SIAE: variants seen among roughly 807,000 people sequenced by gnomAD.
SIAE encodes the protein sialate O-acetylesterase.
Under a neutral mutation model 52.6 loss-of-function variants are expected in SIAE, and 39 were observed. That is an observed-to-expected ratio of 0.74 (90% confidence interval 0.57 to 0.97). SIAE has a LOEUF of 0.97. Among genes scored for constraint, SIAE ranks in the 50% least tolerant of loss-of-function variants. The pLI is 0.00. For missense variants in SIAE, 592 were observed against 662.1 expected, an observed-to-expected ratio of 0.89 and a Z score of 1.16; for synonymous variants, 233 against 241.4, an observed-to-expected ratio of 0.97 and a Z score of 0.32.
In SIAE at chr11:124,669,421, T is replaced by C. The variant is rs1943318124; in HGVS notation, c.168A>G (p.Thr56=). Residue 56 remains threonine, a synonymous_variant, in exon 2 of 10, where the codon ACA becomes ACG. Coordinates refer to ENST00000263593, the MANE Select transcript of SIAE (RefSeq NM_170601.5). ...VIWGFGTPGA[T]VTVTLRQGQE... is the part of the protein sequence containing the mutation. ...GACCTTGGCGCAGGGTCACGGTCAC[T>C]GTGGCTCCAGGTGTACCGAAGCCCC... 6.2e-7 allele frequency: 1 copy of C among 1,614,096 alleles called. No homozygotes were observed. The highest frequency in any genetic ancestry group is 1.1e-5 in the South Asian group (1 of 91,084).
At chr11:124,652,061 G>A (rs1943025138) in intron 4 of SIAE, among the ~76,000 whole-genome samples, 1 of 152,192 alleles carries the variant, frequency 6.6e-6, no homozygotes, top group Non-Finnish European at 1.5e-5. Flanking sequence ...TATTTGGCTG[G>A]AGCAGAGATT....
intron 4 of SIAE, among the ~76,000 whole-genome samples, chr11:124,653,626 G>T (rs1394059564): frequency 6.6e-6 from 1 of 152,200 alleles, no homozygotes; most frequent in African/African-American, 2.4e-5. Flanking sequence ...CAGAAGCCAG[G>T]TGACAAAGGG....
chr11:124,636,992 T>TA lies in SIAE; in HGVS notation c.1530dup (p.Thr511TyrfsTer13). 1.2e-6 allele frequency: 2 copies of TA among 1,614,176 alleles called. No individual in the cohort carries two copies. The highest frequency in any genetic ancestry group is 2.2e-5 in the South Asian group (2 of 91,080). On this transcript the variant is annotated frameshift_variant, in exon 10 of 10. Transcript: ENST00000263593. LOFTEE classifies it low-confidence loss of function (END_TRUNC). ...CTCTGATGTCCAGGACCCTGGTCTG[T>TA]AATGAAAGCAATGAAGGGAGGGGCT...
chr11:124,655,169 T>C (rs1156396063), intron 3 of SIAE, among the ~76,000 whole-genome samples: 1 of 143,044 alleles, frequency 7.0e-6, no homozygotes, highest in Non-Finnish European at 1.5e-5. Flanking sequence ...ACCAATTAAC[T>C]TCTTCTTTTT....
In SIAE at chr11:124,643,799, A is replaced by C. The variant is rs116597850; in HGVS notation, c.966+3566T>G. 2.5e-3 allele frequency among the ~76,000 whole-genome samples: 388 copies of C among 152,298 alleles called. 1 individual carries two copies. Among genetic ancestry groups the C allele is most frequent in the African/African-American group, 9.1e-3 (379 of 41,562 alleles). On this transcript the variant is annotated intron_variant, in intron 7 of 9. Coordinates refer to ENST00000263593, the MANE Select transcript of SIAE (RefSeq NM_170601.5). ...ACCTATTATCTCTCTTTTACAAACCATGATCTAACTGTAAGTCAAACCACA... is the reference window on the plus strand; with the variant it reads ...ACCTATTATCTCTCTTTTACAAACCCTGATCTAACTGTAAGTCAAACCACA...
At chr11:124,669,174 CTTA>C (rs1943313909) in intron 2 of SIAE, among the ~76,000 whole-genome samples, 183 bp downstream of exon 2, 1 of 152,188 alleles carries the variant, frequency 6.6e-6, no homozygotes, top group Non-Finnish European at 1.5e-5. Context: ...TTGACTCAGT[CTTA>C]TTTTTGTTTG....
rs2134351941 is a variant in SIAE, at chr11:124,638,694, A to G, written c.1168T>C (p.Leu390=). 6.2e-7 allele frequency: 1 copy of G among 1,614,144 alleles called. No homozygotes were observed. The highest frequency in any genetic ancestry group is 8.5e-7 in the Non-Finnish European group (1 of 1,180,014). The part of the protein sequence containing the change: ...DKQTVAYRLH[L]GARALAYGEK... ...CCATAAGCCAGAGCACGGGCCCCCA[A>G]ATGCAGCCGATAAGCCACAGTCTGT... The change falls in exon 9 of 10, where the codon TTG becomes CTG. Residue 390 remains leucine (L), a synonymous_variant. Transcript: ENST00000263593.
At chr11:124,644,123 A>T (rs1425591137) in intron 7 of SIAE, among the ~76,000 whole-genome samples, 1 of 152,198 alleles carries the variant, frequency 6.6e-6, no homozygotes, top group Admixed American at 6.5e-5. Context: ...GGCCATTTAC[A>T]ATTCTCTTAT....
chr11:124,648,479 G>A (rs1482957370), intron 5 of SIAE, among the ~76,000 whole-genome samples: 1 of 151,138 alleles, frequency 6.6e-6, no homozygotes, highest in Non-Finnish European at 1.5e-5. Context: ...GTGGGGGGGG[G>A]CCAATAAATT....
At chr11:124,673,848 C>T (rs879223130), upstream of SIAE, 3 of 817,206 alleles carry the variant, frequency 3.7e-6, no homozygotes, top group African/African-American at 3.6e-5. Flanking sequence ...CTGTACTCGC[C>T]CCTTCTCGGC....
intron 3 of SIAE, 142 bp downstream of exon 3, chr11:124,660,486 T>G (rs1269871034): frequency 3.8e-6 from 3 of 796,034 alleles, no homozygotes. Context: ...ATGAATTCAT[T>G]CAAAGCATTT....
intron 9 of SIAE, 102 bp from the exon 10 acceptor site, chr11:124,637,304 C>G (rs1418699431): frequency 1.3e-6 from 2 of 1,536,640 alleles, no homozygotes; most frequent in Non-Finnish European, 1.8e-6. Flanking sequence ...AAAGGAGACA[C>G]TCTTCACCAA....
chr11:124,674,141 C>A, upstream of SIAE: 1 of 203,418 alleles, frequency 4.9e-6, no homozygotes, highest in Non-Finnish European at 1.0e-5. Context: ...CCGTCTGCCC[C>A]CTCCGCCCGC....
chr11:124,665,457 T>C, intron 2 of SIAE, among the ~76,000 whole-genome samples: 1 of 152,100 alleles, frequency 6.6e-6, no homozygotes, highest in Non-Finnish European at 1.5e-5. Flanking sequence ...GTAAGGGAGC[T>C]TGGAAACAGG....
chr11:124,663,947 C>A lies in SIAE; in HGVS notation c.230-3144G>T, dbSNP rs1362401133. On this transcript the variant is annotated intron_variant, in intron 2 of 9. Transcript: ENST00000263593. Reference sequence around the variant, plus strand: ...AGTTGCTCTGCATCCCTCTTCTGGGCCCTAATCACTTGCTATTAGCTATTC... The same window carrying A: ...AGTTGCTCTGCATCCCTCTTCTGGGACCTAATCACTTGCTATTAGCTATTC... Among the ~76,000 whole-genome samples, 3 of 152,344 alleles carry A rather than the reference C, an allele frequency of 2.0e-5. No homozygotes were observed. In the East Asian group the frequency reaches 5.8e-4, roughly 29 times the overall value.
rs1454071403 is a variant in SIAE at position 124,653,088 on chromosome 11, C to T, written c.544+1567G>A. 2.6e-5 allele frequency among the ~76,000 whole-genome samples: 4 copies of T among 152,256 alleles called. No homozygotes were observed. The East Asian group carries it at 5.8e-4, about 22-fold the overall frequency. ...ATTCATCCAAAAATTTACCTGAATCCATTCAGTTCCTGAGCTCTTTTATAG... is the reference window on the plus strand; with the variant it reads ...ATTCATCCAAAAATTTACCTGAATCTATTCAGTTCCTGAGCTCTTTTATAG... On this transcript the variant is annotated intron_variant, in intron 4 of 9. Transcript: ENST00000263593.
At chr11:124,647,827 G>A (rs1942962211) in intron 6 of SIAE, among the ~76,000 whole-genome samples, 1 of 152,132 alleles carries the variant, frequency 6.6e-6, no homozygotes, top group African/African-American at 2.4e-5. Flanking sequence ...TCTAGGGAGA[G>A]ACCATCCTAG....
At position 124,635,854 on chromosome 11, in the gene SIAE, A is replaced by G. The variant is rs904619303; in HGVS notation, c.*1097T>C. 9.9e-5 allele frequency: 15 copies of G among 152,264 alleles called. No individual in the cohort carries two copies. Among genetic ancestry groups the G allele is most frequent in the African/African-American group, 2.6e-4 (11 of 41,556 alleles). The allele number at this position is 152,264 out of a possible 1,614,324, so 9.4% of individuals were successfully genotyped here. ...TTATAGGTAACATAATTTTCAGACA[A>G]TGTTAGCTGTTTTTAATCCATCAGT... On this transcript the variant is annotated 3_prime_UTR_variant, in exon 10 of 10. Transcript: ENST00000263593.
At chr11:124,662,336 C>G (rs1013643085) in intron 2 of SIAE, among the ~76,000 whole-genome samples, 5 of 152,208 alleles carry the variant, frequency 3.3e-5, no homozygotes, top group Admixed American at 6.5e-5. Context: ...TCTGTCCCAA[C>G]TCCAGGCTTG....
Sources: allele counts gnomAD v4.1 joint callset (sites outside exome capture counted in the v4.1 genomes callset), GRCh38; gene constraint gnomAD v4.1.1; transcripts MANE v1.5; gene names NCBI Gene and HGNC (gene_info 2026-07-23, HGNC 2026-07-21).